The following CTNNA3 variants were observed in gnomAD, a reference collection of about 807,000 sequenced individuals.
The protein encoded by CTNNA3 is catenin alpha 3, also known as catenin alpha-3.
Under a neutral mutation model 95.7 loss-of-function variants are expected in CTNNA3, and 76 were observed. That is an observed-to-expected ratio of 0.79 (90% CI 0.66 to 0.96). The LOEUF is 0.96. Ranked by LOEUF, CTNNA3 falls within the 40% of genes least tolerant of loss-of-function variation. The pLI is 0.00. For synonymous variants in CTNNA3, 431 were observed against 374.4 expected, an observed-to-expected ratio of 1.15 and a Z score of -1.74; for missense variants, 1,191 against 1,089.8, an observed-to-expected ratio of 1.09 and a Z score of -1.31.
At chr10:66,651,557 G>A (rs1421469133) in intron 9 of CTNNA3, among the ~76,000 whole-genome samples, 8 of 151,882 alleles carry the variant, frequency 5.3e-5, no homozygotes, top group African/African-American at 1.2e-4. Context: ...GGGGAGGGGG[G>A]TTGGGGGGCA....
Position 67,183,424 on chromosome 10 carries a change from C to A in CTNNA3, c.844-2904G>T, listed in dbSNP as rs185373219. ...TGAAGCTGGAAACCATCATTGTCAG[C>A]AAACTATCGCAAGGACAAAAAACCA... is the stretch of plus-strand genomic sequence containing the variant. On this transcript the variant is annotated intron_variant, in intron 6 of 17. Coordinates refer to ENST00000433211, the MANE Select transcript of CTNNA3 (RefSeq NM_013266.4). Among the ~76,000 whole-genome samples the A allele has an allele frequency of 6.1e-3, 929 of 151,888 alleles. 5 individuals carry two copies. The highest frequency in any genetic ancestry group is 0.021 in the African/African-American group (885 of 41,420).
In CTNNA3 at chr10:66,503,649, A is replaced by G. The variant is rs375172549; in HGVS notation, c.1531+16968T>C. 3.9e-4 allele frequency among the ~76,000 whole-genome samples: 59 copies of G among 152,066 alleles called. 1 individual carries two copies. In the South Asian group the frequency reaches 0.012, roughly 31 times the overall value. On this transcript the variant is annotated intron_variant, in intron 11 of 17. Transcript: ENST00000433211. Reference sequence around the variant, plus strand: ...ATGCCTGGCTAATTTTTGTGTTTTTAGTAGAGACGGGGTTTCACCATGTTG... The same window carrying G: ...ATGCCTGGCTAATTTTTGTGTTTTTGGTAGAGACGGGGTTTCACCATGTTG...
intron 2 of CTNNA3, among the ~76,000 whole-genome samples, chr10:67,639,383 A>G (rs1418065804): frequency 6.6e-6 from 1 of 152,160 alleles, no homozygotes; most frequent in Non-Finnish European, 1.5e-5. Context: ...CAACCAAAAA[A>G]AGTCCAGGAC....
At chr10:66,038,791 T>G (rs1185122082) in intron 15 of CTNNA3, among the ~76,000 whole-genome samples, 1 of 152,184 alleles carries the variant, frequency 6.6e-6, no homozygotes, top group Non-Finnish European at 1.5e-5. Flanking sequence ...AACATCATAA[T>G]GAATGGACAA....
intron 10 of CTNNA3, among the ~76,000 whole-genome samples, chr10:66,599,151 GA>G (rs1474974693): frequency 1.3e-5 from 2 of 152,016 alleles, no homozygotes; most frequent in African/African-American, 4.8e-5. Flanking sequence ...ACAAATGACT[GA>G]AATCATACTT....
At chr10:67,130,850 T>C (rs1859965362) in intron 7 of CTNNA3, among the ~76,000 whole-genome samples, 1 of 152,032 alleles carries the variant, frequency 6.6e-6, no homozygotes, top group Admixed American at 6.6e-5. Flanking sequence ...CTGACAGTAA[T>C]ACAGACATTG....
chr10:67,347,855 A>C (rs1842491300), intron 5 of CTNNA3, among the ~76,000 whole-genome samples: 1 of 151,642 alleles, frequency 6.6e-6, no homozygotes, highest in Non-Finnish European at 1.5e-5. Flanking sequence ...AAAACACAAA[A>C]ACCAAATACA....
At chr10:66,602,068 T>C (rs958404023) in intron 10 of CTNNA3, among the ~76,000 whole-genome samples, 4 of 151,944 alleles carry the variant, frequency 2.6e-5, no homozygotes, top group Non-Finnish European at 4.4e-5. Context: ...ATCTTGATTG[T>C]AGTACAAGGA....
intron 5 of CTNNA3, among the ~76,000 whole-genome samples, chr10:67,400,720 C>T (rs969826900): frequency 2.6e-5 from 4 of 151,994 alleles, no homozygotes; most frequent in African/African-American, 9.7e-5. Flanking sequence ...GTTATTAGAT[C>T]CTAATTACTT....
chr10:66,712,980 G>C (rs1045387338), intron 9 of CTNNA3, among the ~76,000 whole-genome samples: 89 of 152,028 alleles, frequency 5.9e-4, no homozygotes, highest in Non-Finnish European at 3.2e-4. Flanking sequence ...TGGTAGTTCT[G>C]GGAAAGCTGG....
At chr10:66,369,839 C>A (rs1200270057) in intron 12 of CTNNA3, among the ~76,000 whole-genome samples, 1 of 152,104 alleles carries the variant, frequency 6.6e-6, no homozygotes, top group Admixed American at 6.6e-5. Flanking sequence ...CTAAGAAATG[C>A]TTAATTCTTC....
intron 14 of CTNNA3, among the ~76,000 whole-genome samples, chr10:66,078,036 T>A (rs2080609483): frequency 6.6e-6 from 1 of 151,858 alleles, no homozygotes; most frequent in Non-Finnish European, 1.5e-5. Context: ...AGATTCTACT[T>A]GAGCTGTTAA....
chr10:66,528,468 T>C (rs937780656), intron 10 of CTNNA3, among the ~76,000 whole-genome samples: 9 of 152,180 alleles, frequency 5.9e-5, no homozygotes, highest in African/African-American at 2.2e-4. Flanking sequence ...CCTCTAGGTA[T>C]TAGAAGCTTG....
At chr10:66,982,638 A>C (rs6480244) in intron 7 of CTNNA3, among the ~76,000 whole-genome samples, 93,842 of 151,978 alleles carry the variant, frequency 0.62, 29,149 homozygotes, top group Admixed American at 0.7. Flanking sequence ...AAAAATTGTT[A>C]ACCTTGTGAG....
chr10:66,427,258 T>G (rs1258802727), intron 11 of CTNNA3, among the ~76,000 whole-genome samples: 3 of 152,080 alleles, frequency 2.0e-5, no homozygotes, highest in African/African-American at 7.2e-5. Context: ...TGGTTCTAAT[T>G]TCTTCTCACT....
chr10:66,662,223 T>G (rs560249878), intron 9 of CTNNA3, among the ~76,000 whole-genome samples: 1 of 152,188 alleles, frequency 6.6e-6, no homozygotes, highest in Non-Finnish European at 1.5e-5. Flanking sequence ...TAACTTTTCT[T>G]AAAACAATGG....
intron 5 of CTNNA3, among the ~76,000 whole-genome samples, chr10:67,478,644 A>G (rs546297997): frequency 3.1e-4 from 47 of 152,304 alleles, no homozygotes; most frequent in African/African-American, 9.1e-4. Context: ...TTAAACATGG[A>G]AATGAAAGAA....
At chr10:66,227,686 T>C (rs1326470628) in intron 13 of CTNNA3, among the ~76,000 whole-genome samples, 1 of 152,178 alleles carries the variant, frequency 6.6e-6, no homozygotes, top group Non-Finnish European at 1.5e-5. Context: ...GCTTCCCTTA[T>C]AAAATGAGTA....
At chr10:67,661,714 G>A (rs187360464) in intron 1 of CTNNA3, among the ~76,000 whole-genome samples, 69 of 151,586 alleles carry the variant, frequency 4.6e-4, no homozygotes, top group African/African-American at 1.6e-3. Context: ...CTCTTTAAAT[G>A]GGCAAAAAAA....
Sources: gnomAD v4.1 joint callset for allele counts (sites outside exome capture counted in the v4.1 genomes callset) on GRCh38, gnomAD v4.1.1 for gene constraint, MANE v1.5 for transcripts, NCBI Gene and HGNC (gene_info 2026-07-23, HGNC 2026-07-21) for gene names.